Variants in ST8SIA1 observed in about 807,000 individuals in gnomAD.
ST8SIA1 encodes the protein ST8 alpha-N-acetyl-neuraminide alpha-2,8-sialyltransferase 1, also known as alpha-N-acetylneuraminide alpha-2,8-sialyltransferase.
Under a neutral mutation model 35.9 loss-of-function variants are expected in ST8SIA1, and 16 were observed. That is an observed-to-expected ratio of 0.45 (90% CI 0.30 to 0.68). The LOEUF is 0.68. Ranked by LOEUF, ST8SIA1 falls within the 30% of genes least tolerant of loss-of-function variation. The pLI, the probability that ST8SIA1 is intolerant of heterozygous loss-of-function variation, is 0.09. For missense variants in ST8SIA1, 383 were observed against 453.6 expected (o/e 0.84, Z 1.41); for synonymous variants, 170 against 169.6 (o/e 1.00, Z -0.02).
At chr12:22,275,210 A>C (rs1198511830) in intron 2 of ST8SIA1, among the ~76,000 whole-genome samples, 2 of 152,206 alleles carry the variant, frequency 1.3e-5, no homozygotes, top group African/African-American at 4.8e-5. Flanking sequence ...ACAAAACGAA[A>C]AAACGAATTG....
At position 22,196,748 on chromosome 12, in the gene ST8SIA1, G is replaced by A. The variant is rs773736227; in HGVS notation, c.*4804C>T. 9 of 152,348 alleles carry A rather than the reference G, an allele frequency of 5.9e-5. No homozygotes were observed. In the East Asian group the frequency reaches 1.4e-3, roughly 23 times the overall value. 9.4% of individuals were successfully genotyped at this position (152,348 alleles called of 1,614,324 possible). A position where few individuals can be genotyped will look rare whatever the true frequency, so the allele number is the denominator to read the frequency against. On this transcript the variant is annotated 3_prime_UTR_variant, in exon 5 of 5. Coordinates refer to ENST00000396037, the MANE Select transcript of ST8SIA1 (RefSeq NM_003034.4). Reference sequence around the variant, plus strand: ...TCACTGGCAGGGCTATAACTAGGTCGGGGTGATCAGACTCTGCCACAAAAC... The same window carrying A: ...TCACTGGCAGGGCTATAACTAGGTCAGGGTGATCAGACTCTGCCACAAAAC...
intron 4 of ST8SIA1, among the ~76,000 whole-genome samples, chr12:22,227,760 A>G (rs1421387203): frequency 6.6e-6 from 1 of 152,168 alleles, no homozygotes; most frequent in Non-Finnish European, 1.5e-5. Context: ...TCATTTGAGT[A>G]TTTGTGCATT....
At chr12:22,248,978 G>C (rs765592198) in intron 4 of ST8SIA1, 28 bp downstream of exon 4, 1 of 1,540,078 alleles carries the variant, frequency 6.5e-7, no homozygotes, top group Middle Eastern at 1.7e-4. Context: ...ATCTTCGTTC[G>C]TCACAAACAG....
At position 22,333,978 on chromosome 12, in the gene ST8SIA1, G is replaced by T; in HGVS notation, c.236+19C>A. 2 of 1,609,332 alleles carry T rather than the reference G, an allele frequency of 1.2e-6. No homozygotes were observed. Among genetic ancestry groups the T allele is most frequent in the Non-Finnish European group, 1.7e-6 (2 of 1,176,450 alleles). ...GAGGAAAGGACGCTAGAGGGGAGGAGCCGCGAGGGCAGGAGTACCTGAACG... is the reference window on the plus strand; with the variant it reads ...GAGGAAAGGACGCTAGAGGGGAGGATCCGCGAGGGCAGGAGTACCTGAACG... On this transcript the variant is annotated intron_variant, in intron 1 of 4. Coordinates refer to ENST00000396037, the MANE Select transcript of ST8SIA1 (RefSeq NM_003034.4).
At position 22,249,108 on chromosome 12, in the gene ST8SIA1, C is replaced by G; in HGVS notation, c.492-10G>C. On this transcript the variant is annotated splice_polypyrimidine_tract_variant and intron_variant, in intron 3 of 4. Transcript: ENST00000396037. The stretch of plus-strand genomic sequence containing the variant: ...AGGAGGGAGATTGCATCTAGAGAAA[C>G]AAGAACAAACATTTTGGAACAATTT... The G allele has an allele frequency of 1.9e-6, 3 of 1,571,848 alleles. No homozygotes were observed. Among genetic ancestry groups the G allele is most frequent in the Non-Finnish European group, 2.6e-6 (3 of 1,143,238 alleles).
chr12:22,280,034 A>C (rs1175649247), intron 2 of ST8SIA1, among the ~76,000 whole-genome samples: 3 of 152,262 alleles, frequency 2.0e-5, no homozygotes, highest in African/African-American at 7.2e-5. Context: ...TTCTCTGTGC[A>C]TAGTCATACC....
intron 4 of ST8SIA1, among the ~76,000 whole-genome samples, chr12:22,225,328 C>T (rs1865343879): frequency 6.6e-6 from 1 of 152,058 alleles, no homozygotes; most frequent in African/African-American, 2.4e-5. Flanking sequence ...AAAGAGTGAA[C>T]TAATAGGTCC....
chr12:22,235,109 C>T (rs1024898215), intron 4 of ST8SIA1, among the ~76,000 whole-genome samples: 5 of 152,094 alleles, frequency 3.3e-5, no homozygotes, highest in African/African-American at 9.7e-5. Context: ...ATGAAAGCTA[C>T]AGTGGAAACT....
rs1865845307 is a variant in ST8SIA1, at chr12:22,266,105, G to A, written c.382-10716C>T. ...CTGAATTTCTTGTCTCCCTACCTCT[G>A]TTAAAGCTGCTTCAATGGCTCGCCC... On this transcript the variant is annotated intron_variant, in intron 2 of 4. Coordinates refer to ENST00000396037, the MANE Select transcript of ST8SIA1 (RefSeq NM_003034.4). Among the ~76,000 whole-genome samples the A allele has an allele frequency of 2.0e-5, 3 of 152,034 alleles. No individual in the cohort carries two copies. The South Asian group carries it at 6.2e-4, about 32-fold the overall frequency.
intron 4 of ST8SIA1, among the ~76,000 whole-genome samples, chr12:22,217,277 G>A (rs1261856215): frequency 1.3e-5 from 2 of 151,998 alleles, no homozygotes; most frequent in Non-Finnish European, 2.9e-5. Context: ...TGAAATTAAG[G>A]CCATACTAAA....
chr12:22,197,100 C>T lies in ST8SIA1; in HGVS notation c.*4452G>A, dbSNP rs1864998154. On this transcript the variant is annotated 3_prime_UTR_variant, in exon 5 of 5. Coordinates refer to ENST00000396037, the MANE Select transcript of ST8SIA1 (RefSeq NM_003034.4). ...CTGCTGACTTTATTAGAGGTTTTGA[C>T]CTAGGTTGCCAGGCCTTGAAATTGT... 1 of 152,206 alleles carries T rather than the reference C, an allele frequency of 6.6e-6. No individual in the cohort carries two copies. Among genetic ancestry groups the T allele is most frequent in the African/African-American group, 2.4e-5 (1 of 41,442 alleles). The allele number at this position is 152,206 out of a possible 1,614,324, so 9.4% of individuals were successfully genotyped here.
At chr12:22,281,199 C>G (rs1420359690) in intron 2 of ST8SIA1, among the ~76,000 whole-genome samples, 1 of 152,146 alleles carries the variant, frequency 6.6e-6, no homozygotes, top group Non-Finnish European at 1.5e-5. Flanking sequence ...GCATTCATTA[C>G]AAAGCACTTT....
intron 1 of ST8SIA1, among the ~76,000 whole-genome samples, chr12:22,322,830 T>A (rs1866619426): frequency 6.6e-6 from 1 of 152,202 alleles, no homozygotes; most frequent in Non-Finnish European, 1.5e-5. Context: ...TGCTGCAGAT[T>A]CATGCTGAAG....
chr12:22,214,102 G>T (rs1270511462), intron 4 of ST8SIA1, among the ~76,000 whole-genome samples: 2 of 152,084 alleles, frequency 1.3e-5, no homozygotes, highest in Non-Finnish European at 2.9e-5. Context: ...CCAACAAGAA[G>T]AACAGTGAGC....
intron 1 of ST8SIA1, among the ~76,000 whole-genome samples, chr12:22,290,431 G>GTGA (rs1200671277): frequency 1.3e-5 from 2 of 152,182 alleles, no homozygotes; most frequent in Non-Finnish European, 2.9e-5. Flanking sequence ...AGTAGTAGTA[G>GTGA]TGATTTTTAC....
At chr12:22,204,535 C>A (rs889570114) in intron 4 of ST8SIA1, among the ~76,000 whole-genome samples, 1 of 152,120 alleles carries the variant, frequency 6.6e-6, no homozygotes, top group Non-Finnish European at 1.5e-5. Flanking sequence ...CAGGGCCCTG[C>A]TGGCTGATGG....
At chr12:22,213,647 T>C (rs960389384) in intron 4 of ST8SIA1, among the ~76,000 whole-genome samples, 9 of 152,152 alleles carry the variant, frequency 5.9e-5, no homozygotes, top group African/African-American at 2.2e-4. Flanking sequence ...TTTAATATGG[T>C]AAAGTTGAGA....
chr12:22,199,237 C>A lies in ST8SIA1; in HGVS notation c.*2315G>T, dbSNP rs1474463597. The A allele has an allele frequency of 1.3e-5, 2 of 150,160 alleles. No individual in the cohort carries two copies. Among genetic ancestry groups the A allele is most frequent in the Admixed American group, 6.7e-5 (1 of 15,014 alleles). The allele number at this position is 150,160 out of a possible 1,614,324, so 9.3% of individuals were successfully genotyped here. On this transcript the variant is annotated 3_prime_UTR_variant, in exon 5 of 5. Transcript: ENST00000396037. ...GTGGCACCATCTTGGCTCACTGCAA[C>A]CTCCACTTCCTGGGTTTAAGAGATT...
At chr12:22,325,256 T>A in intron 1 of ST8SIA1, 1 of 554,494 alleles carries the variant, frequency 1.8e-6, no homozygotes, top group Non-Finnish European at 3.2e-6. Flanking sequence ...ACTAAAGATT[T>A]TGCATCCCAG....
Sources: allele counts gnomAD v4.1 joint callset (sites outside exome capture counted in the v4.1 genomes callset), GRCh38; gene constraint gnomAD v4.1.1; transcripts MANE v1.5; gene names NCBI Gene and HGNC (gene_info 2026-07-23, HGNC 2026-07-21).